The following BACH2 variants were observed in gnomAD, a reference collection of about 807,000 sequenced individuals.
BACH2 encodes the protein transcription regulator protein BACH2.
BACH2 carries 5 observed loss-of-function variants against 61.8 expected under a neutral mutation model. The observed-to-expected ratio is 0.08, with a 90% CI of 0.04 to 0.17. The LOEUF (loss-of-function observed/expected upper bound fraction) is 0.17. Among genes scored for constraint, BACH2 ranks in the 10% least tolerant of loss-of-function variants. The pLI is 1.00. For synonymous variants in BACH2, 446 were observed against 440.1 expected (o/e 1.01, Z -0.17); for missense variants, 824 against 1,091.1 (o/e 0.76, Z 3.45).
intron 3 of BACH2, among the ~76,000 whole-genome samples, chr6:90,236,820 G>T (rs1770273551): frequency 6.6e-6 from 1 of 152,128 alleles, no homozygotes; most frequent in African/African-American, 2.4e-5. Context: ...CTTCTTGAAA[G>T]AACTGAGACT....
intron 4 of BACH2, among the ~76,000 whole-genome samples, chr6:90,180,590 C>A (rs887392891): frequency 8.5e-5 from 13 of 152,080 alleles, no homozygotes; most frequent in Non-Finnish European, 1.6e-4. Context: ...CTTTGTGTAC[C>A]CATAGCTTAG....
intron 4 of BACH2, among the ~76,000 whole-genome samples, chr6:90,112,370 C>T (rs1032640467): frequency 4.6e-5 from 7 of 152,142 alleles, no homozygotes; most frequent in African/African-American, 1.7e-4. Context: ...AGGTCAACTA[C>T]AAAGGGATCC....
At chr6:90,225,197 C>A (rs1769871656) in intron 3 of BACH2, among the ~76,000 whole-genome samples, 1 of 152,048 alleles carries the variant, frequency 6.6e-6, no homozygotes, top group Non-Finnish European at 1.5e-5. Flanking sequence ...CCAGCTTGGG[C>A]AACATGGCAA....
chr6:90,151,809 T>C (rs1784821791), intron 4 of BACH2, among the ~76,000 whole-genome samples: 1 of 152,244 alleles, frequency 6.6e-6, no homozygotes, highest in Non-Finnish European at 1.5e-5. Flanking sequence ...TTGAGTCATC[T>C]TGTATTTCTT....
intron 2 of BACH2, among the ~76,000 whole-genome samples, chr6:90,256,427 C>T (rs1205770127): frequency 6.6e-6 from 1 of 152,164 alleles, no homozygotes; most frequent in Non-Finnish European, 1.5e-5. Flanking sequence ...GTGATGCAAA[C>T]AAGCACAGTA....
intron 6 of BACH2, among the ~76,000 whole-genome samples, chr6:90,002,666 A>G (rs1338773700): frequency 6.6e-6 from 1 of 152,158 alleles, no homozygotes; most frequent in Non-Finnish European, 1.5e-5. Flanking sequence ...GCTACTTGGG[A>G]GGCTGAGGCA....
intron 4 of BACH2, among the ~76,000 whole-genome samples, chr6:90,100,704 C>G (rs1030648114): frequency 6.0e-5 from 4 of 66,344 alleles, no homozygotes; most frequent in African/African-American, 2.6e-4. Flanking sequence ...CACACACAGA[C>G]ACACACACAC....
At chr6:90,057,248 A>G (rs558493661) in intron 5 of BACH2, among the ~76,000 whole-genome samples, 1 of 152,354 alleles carries the variant, frequency 6.6e-6, no homozygotes, top group African/African-American at 2.4e-5. Flanking sequence ...AGAAGAAAAG[A>G]GAGAAGAATC....
At chr6:89,936,710 C>T (rs754407067) in intron 8 of BACH2, among the ~76,000 whole-genome samples, 23 of 150,254 alleles carry the variant, frequency 1.5e-4, no homozygotes, top group Admixed American at 6.6e-5. Flanking sequence ...AAGAAACCCA[C>T]AAAACAACAA....
chr6:90,105,144 A>T (rs1161912920), intron 4 of BACH2, among the ~76,000 whole-genome samples: 1 of 152,212 alleles, frequency 6.6e-6, no homozygotes, highest in African/African-American at 2.4e-5. Context: ...TTCAGATTGC[A>T]GATGTGCAGT....
chr6:89,973,289 T>C (rs76896944), intron 6 of BACH2, among the ~76,000 whole-genome samples: 1 of 138,884 alleles, frequency 7.2e-6, no homozygotes, highest in Non-Finnish European at 1.6e-5. Context: ...GATTGGAAAA[T>C]AGATGAGCTA....
At chr6:90,069,084 T>C (rs1418554720) in intron 5 of BACH2, among the ~76,000 whole-genome samples, 24 of 152,192 alleles carry the variant, frequency 1.6e-4, no homozygotes, top group Admixed American at 1.6e-3. Flanking sequence ...TAAGGATTCC[T>C]GGGCATCCAC....
chr6:90,097,761 C>T (rs1418625208), intron 4 of BACH2, among the ~76,000 whole-genome samples: 1 of 152,218 alleles, frequency 6.6e-6, no homozygotes, highest in East Asian at 1.9e-4. Flanking sequence ...GCCTTCACCA[C>T]TATCCATCCA....
In BACH2 at chr6:89,981,932, G is replaced by A. The variant is rs1288043958; in HGVS notation, c.243+26670C>T. Among the ~76,000 whole-genome samples the A allele has an allele frequency of 2.0e-5, 3 of 152,068 alleles. No homozygotes were observed. The East Asian group carries it at 5.8e-4, about 29-fold the overall frequency. On this transcript the variant is annotated intron_variant, in intron 6 of 8. Coordinates refer to ENST00000257749, the MANE Select transcript of BACH2 (RefSeq NM_021813.4). ...AAGGGATATGGGGGTAGGGCAGGAG[G>A]GGAAGTGATGGGTCTGTGAGATGCA...
intron 3 of BACH2, among the ~76,000 whole-genome samples, chr6:90,248,073 A>G (rs1256271033): frequency 6.6e-6 from 1 of 152,186 alleles, no homozygotes; most frequent in Non-Finnish European, 1.5e-5. Flanking sequence ...CACTAATTTT[A>G]TTCCTCATTG....
At chr6:90,131,991 T>TA (rs768618055) in intron 4 of BACH2, among the ~76,000 whole-genome samples, 17 of 152,246 alleles carry the variant, frequency 1.1e-4, no homozygotes, top group Non-Finnish European at 2.1e-4. Context: ...AAGAGGCTGT[T>TA]ACTTTTGCTG....
At chr6:90,074,015 T>C (rs899440877) in intron 5 of BACH2, among the ~76,000 whole-genome samples, 4 of 152,256 alleles carry the variant, frequency 2.6e-5, no homozygotes, top group African/African-American at 9.6e-5. Flanking sequence ...CCTGATAGAA[T>C]ACTGTGCTTT....
At chr6:89,976,529 GA>G (rs1208853868) in intron 6 of BACH2, among the ~76,000 whole-genome samples, 1 of 152,188 alleles carries the variant, frequency 6.6e-6, no homozygotes, top group Non-Finnish European at 1.5e-5. Flanking sequence ...GTGTGGGCAG[GA>G]AAAGGGGGTC....
intron 5 of BACH2, among the ~76,000 whole-genome samples, chr6:90,017,384 T>A (rs1218719315): frequency 4.6e-5 from 7 of 152,098 alleles, no homozygotes; most frequent in Non-Finnish European, 7.4e-5. Flanking sequence ...CATACCCAGC[T>A]AATTTTTTTG....
Sources: allele counts gnomAD v4.1 joint callset (sites outside exome capture counted in the v4.1 genomes callset), GRCh38; gene constraint gnomAD v4.1.1; transcripts MANE v1.5; gene names NCBI Gene and HGNC (gene_info 2026-07-23, HGNC 2026-07-21).